The following KAT6B variants were observed in gnomAD, a reference collection of about 807,000 sequenced individuals.
KAT6B encodes the protein lysine acetyltransferase 6B.
In KAT6B, 10 loss-of-function variants were observed where a neutral mutation model predicts 187.5. The observed-to-expected ratio is 0.05, with a 90% confidence interval of 0.03 to 0.09. The LOEUF (loss-of-function observed/expected upper bound fraction) is 0.09, where lower values mean the gene tolerates loss of function less well. Ranked by LOEUF, KAT6B falls within the 10% of genes least tolerant of loss-of-function variation. KAT6B has a pLI of 1.00. For missense variants in KAT6B, 1,952 were observed against 2,558.9 expected (o/e 0.76, Z 5.12); for synonymous variants, 861 against 926.8 (o/e 0.93, Z 1.29).
At chr10:75,016,231 C>A (rs993675447) in intron 13 of KAT6B, among the ~76,000 whole-genome samples, 3 of 152,170 alleles carry the variant, frequency 2.0e-5, no homozygotes, top group African/African-American at 7.2e-5. Context: ...GAGAGTTAAC[C>A]ATTTCAAACT....
At chr10:74,955,965 C>T (rs1231094795) in intron 3 of KAT6B, among the ~76,000 whole-genome samples, 2 of 152,060 alleles carry the variant, frequency 1.3e-5, no homozygotes, top group Admixed American at 6.6e-5. Context: ...GCTCTGCCAC[C>T]CAGGCTGGAG....
chr10:74,912,510 A>G (rs1758358316), intron 3 of KAT6B, among the ~76,000 whole-genome samples: 1 of 152,114 alleles, frequency 6.6e-6, no homozygotes, highest in African/African-American at 2.4e-5. Flanking sequence ...AACTTCCTAT[A>G]TTGTTAGCCA....
intron 3 of KAT6B, among the ~76,000 whole-genome samples, chr10:74,952,483 A>G (rs563620152): frequency 6.6e-6 from 1 of 152,280 alleles, no homozygotes; most frequent in African/African-American, 2.4e-5. Flanking sequence ...AACCATGGGG[A>G]AAGCCAGAGA....
intron 3 of KAT6B, among the ~76,000 whole-genome samples, chr10:74,948,700 T>A (rs1376215314): frequency 6.6e-6 from 1 of 152,276 alleles, no homozygotes; most frequent in Non-Finnish European, 1.5e-5. Flanking sequence ...TACACAGCTC[T>A]ACTAAGTATC....
At chr10:74,896,487 A>G (rs1210630620) in intron 3 of KAT6B, among the ~76,000 whole-genome samples, 4 of 152,054 alleles carry the variant, frequency 2.6e-5, no homozygotes. Context: ...ATGGGGTTTC[A>G]CTATTTTGGC....
At chr10:74,869,143 G>T (rs1441592849) in intron 3 of KAT6B, among the ~76,000 whole-genome samples, 1 of 152,104 alleles carries the variant, frequency 6.6e-6, no homozygotes, top group Non-Finnish European at 1.5e-5. Context: ...TTAGACTCTT[G>T]CCACCTTAAT....
At position 74,852,513 on chromosome 10, in the gene KAT6B, G is replaced by A. The variant is rs369214445; in HGVS notation, c.621+9035G>A. On this transcript the variant is annotated intron_variant, in intron 3 of 17. Transcript: ENST00000287239. ...GTCTGAGGACTGCTTTTGTGAGCAGGTAGTACCAGTTGTTGAGACATTGTT... is the reference window on the plus strand; with the variant it reads ...GTCTGAGGACTGCTTTTGTGAGCAGATAGTACCAGTTGTTGAGACATTGTT... 8.5e-5 allele frequency among the ~76,000 whole-genome samples: 13 copies of A among 152,318 alleles called. No homozygotes were observed. In the East Asian group the frequency reaches 2.3e-3, roughly 27 times the overall value.
At chr10:74,951,949 G>A (rs955915947) in intron 3 of KAT6B, among the ~76,000 whole-genome samples, 3 of 152,204 alleles carry the variant, frequency 2.0e-5, no homozygotes, top group South Asian at 4.1e-4. Flanking sequence ...TGGGGCTACA[G>A]CAATGAACAG....
intron 3 of KAT6B, among the ~76,000 whole-genome samples, chr10:74,878,206 C>T (rs1284296109): frequency 2.0e-5 from 3 of 152,152 alleles, no homozygotes; most frequent in African/African-American, 7.2e-5. Context: ...CCTTAAGAAA[C>T]TCAAAGAGGA....
chr10:74,892,409 A>G (rs59600413), intron 3 of KAT6B, among the ~76,000 whole-genome samples: 2 of 152,300 alleles, frequency 1.3e-5, no homozygotes, highest in African/African-American at 4.8e-5. Context: ...TAGAGTTACT[A>G]AAATTATCAA....
At chr10:74,955,386 C>CCT (rs1297431941) in intron 3 of KAT6B, among the ~76,000 whole-genome samples, 1 of 136,246 alleles carries the variant, frequency 7.3e-6, no homozygotes, top group African/African-American at 2.7e-5. Flanking sequence ...AATTTTATCC[C>CCT]CCCCCCCCCA....
intron 1 of KAT6B, among the ~76,000 whole-genome samples, chr10:74,838,302 G>A (rs1466712761): frequency 1.3e-5 from 2 of 152,114 alleles, no homozygotes; most frequent in African/African-American, 4.8e-5. Flanking sequence ...ACTTTTGACT[G>A]TCTTTTTTTC....
intron 16 of KAT6B, chr10:75,024,073 G>GC (rs1426745844): frequency 3.9e-4 from 59 of 151,974 alleles, no homozygotes; most frequent in African/African-American, 1.3e-3. Flanking sequence ...TACAATTATG[G>GC]ACAGTCATTT....
chr10:74,996,516 A>G (rs1266248469), intron 13 of KAT6B, among the ~76,000 whole-genome samples: 1 of 152,090 alleles, frequency 6.6e-6, no homozygotes, highest in African/African-American at 2.4e-5. Context: ...CACGCCTGTA[A>G]TCCCAGCACT....
chr10:74,922,376 A>G (rs188694479), intron 3 of KAT6B, among the ~76,000 whole-genome samples: 1 of 152,298 alleles, frequency 6.6e-6, no homozygotes, highest in Non-Finnish European at 1.5e-5. Context: ...AGTGCCCTCC[A>G]GGAGCCCTTC....
At chr10:74,868,589 C>G (rs1843704046) in intron 3 of KAT6B, among the ~76,000 whole-genome samples, 4 of 152,178 alleles carry the variant, frequency 2.6e-5, no homozygotes, top group Admixed American at 2.6e-4. Context: ...AGAGAGAAAT[C>G]ATTTAACAGT....
At chr10:74,965,270 C>A (rs1358677089) in intron 4 of KAT6B, among the ~76,000 whole-genome samples, 1 of 152,224 alleles carries the variant, frequency 6.6e-6, no homozygotes, top group African/African-American at 2.4e-5. Flanking sequence ...CTCTTCTGGT[C>A]CCATCCAATC....
intron 2 of KAT6B, among the ~76,000 whole-genome samples, chr10:74,840,753 A>G (rs1039321255): frequency 1.3e-5 from 2 of 152,196 alleles, no homozygotes; most frequent in Non-Finnish European, 2.9e-5. Context: ...TACTGATCAC[A>G]GGGACAATCT....
intron 3 of KAT6B, among the ~76,000 whole-genome samples, chr10:74,857,287 T>C (rs1232484850): frequency 6.6e-6 from 1 of 152,216 alleles, no homozygotes; most frequent in East Asian, 1.9e-4. Flanking sequence ...AATGTTCTTT[T>C]CTGGAGGCTC....
Sources: allele counts gnomAD v4.1 joint callset (sites outside exome capture counted in the v4.1 genomes callset), GRCh38; gene constraint gnomAD v4.1.1; transcripts MANE v1.5; gene names NCBI Gene and HGNC (gene_info 2026-07-23, HGNC 2026-07-21).